The following PID1 variants were observed in gnomAD, a reference collection of about 807,000 sequenced individuals.
PID1 encodes the protein PTB-containing, cubilin and LRP1-interacting protein.
Under a neutral mutation model 19.1 loss-of-function variants are expected in PID1, and 10 were observed. That is an observed-to-expected ratio of 0.52 (90% CI 0.32 to 0.89). PID1 has a LOEUF of 0.89. PID1 is among the 40% of genes least tolerant of loss of function. The probability of loss-of-function intolerance (pLI) is 0.03; values close to 1 mark genes in which losing one functional copy is unlikely to be tolerated. For missense variants in PID1, 248 were observed against 285.3 expected, an observed-to-expected ratio of 0.87 and a Z score of 0.94; for synonymous variants, 130 against 116.0, an observed-to-expected ratio of 1.12 and a Z score of -0.78.
intron 2 of PID1, among the ~76,000 whole-genome samples, chr2:229,134,745 A>T (rs1458264694): frequency 6.6e-6 from 1 of 152,180 alleles, no homozygotes; most frequent in Non-Finnish European, 1.5e-5. Context: ...ATTTATTAAA[A>T]TCTTAGAGTC....
chr2:229,029,558 A>T (rs1693501109), intron 2 of PID1, among the ~76,000 whole-genome samples: 2 of 152,098 alleles, frequency 1.3e-5, no homozygotes, highest in African/African-American at 4.8e-5. Context: ...AATTCAAAGT[A>T]GAGGCCGGGC....
At chr2:229,116,330 T>C (rs1221108364) in intron 2 of PID1, among the ~76,000 whole-genome samples, 1 of 152,202 alleles carries the variant, frequency 6.6e-6, no homozygotes, top group Non-Finnish European at 1.5e-5. Flanking sequence ...CTTTATGCTT[T>C]AGTGTTTCAT....
At chr2:229,267,584 A>G (rs2106296773) in intron 1 of PID1, among the ~76,000 whole-genome samples, 1 of 152,314 alleles carries the variant, frequency 6.6e-6, no homozygotes, top group Admixed American at 6.5e-5. Flanking sequence ...TTCGTTTCTA[A>G]GTCAGTCTTG....
intron 2 of PID1, among the ~76,000 whole-genome samples, chr2:229,080,985 T>C (rs920114629): frequency 6.6e-6 from 1 of 152,234 alleles, no homozygotes; most frequent in African/African-American, 2.4e-5. Flanking sequence ...ACCCTTGTTA[T>C]TGCTGGATGC....
chr2:229,135,218 C>T (rs562111562), intron 2 of PID1, among the ~76,000 whole-genome samples: 1 of 152,232 alleles, frequency 6.6e-6, no homozygotes, highest in South Asian at 2.1e-4. Context: ...GCATCGTTCA[C>T]GTGGTTTGTT....
chr2:229,222,275 G>A (rs375355298), intron 1 of PID1, among the ~76,000 whole-genome samples: 36 of 152,146 alleles, frequency 2.4e-4, no homozygotes, highest in Non-Finnish European at 3.7e-4. Flanking sequence ...ATGTGTTCGC[G>A]GGTCTACATG....
intron 2 of PID1, among the ~76,000 whole-genome samples, chr2:229,082,731 C>A (rs1446496883): frequency 6.6e-6 from 1 of 152,152 alleles, no homozygotes; most frequent in Non-Finnish European, 1.5e-5. Context: ...TGCCAAAGAT[C>A]TGAATGATTT....
At chr2:229,231,399 T>G (rs1692202440) in intron 1 of PID1, among the ~76,000 whole-genome samples, 1 of 152,010 alleles carries the variant, frequency 6.6e-6, no homozygotes, top group Non-Finnish European at 1.5e-5. Flanking sequence ...TTGAAGCAGA[T>G]CCCTTTGCAC....
intron 2 of PID1, among the ~76,000 whole-genome samples, chr2:229,107,861 G>T (rs1360437348): frequency 6.6e-6 from 1 of 152,200 alleles, no homozygotes; most frequent in East Asian, 1.9e-4. Flanking sequence ...TCCAGAATCT[G>T]CATTTTGACA....
intron 2 of PID1, among the ~76,000 whole-genome samples, chr2:229,055,474 G>GA (rs2106187787): frequency 1.3e-5 from 2 of 152,254 alleles, no homozygotes; most frequent in South Asian, 4.2e-4. Flanking sequence ...ATACTGTCAG[G>GA]AAAAAGATAA....
At chr2:229,262,768 T>G (rs1690492318) in intron 1 of PID1, 1 of 1,551,442 alleles carries the variant, frequency 6.4e-7, no homozygotes, top group Non-Finnish European at 8.7e-7. Context: ...TGTCCTCGAC[T>G]CTTCTAACAT....
intron 2 of PID1, among the ~76,000 whole-genome samples, chr2:229,093,651 T>C (rs1382705676): frequency 1.3e-5 from 2 of 152,152 alleles, no homozygotes; most frequent in Non-Finnish European, 1.5e-5. Context: ...CATATACAAG[T>C]CGATAAATGT....
intron 2 of PID1, among the ~76,000 whole-genome samples, chr2:229,026,754 G>A (rs1693433161): frequency 6.6e-6 from 1 of 152,168 alleles, no homozygotes; most frequent in Non-Finnish European, 1.5e-5. Context: ...AGCATCTGTT[G>A]ATCTGATAAT....
intron 2 of PID1, among the ~76,000 whole-genome samples, chr2:229,086,464 T>A (rs1301389272): frequency 6.6e-6 from 1 of 152,196 alleles, no homozygotes; most frequent in Non-Finnish European, 1.5e-5. Context: ...CAGTTTCTAC[T>A]GAAGCCATAT....
chr2:229,112,443 C>T (rs1424878329), intron 2 of PID1, among the ~76,000 whole-genome samples: 2 of 152,088 alleles, frequency 1.3e-5, no homozygotes, highest in Non-Finnish European at 2.9e-5. Flanking sequence ...TAGAAATGCA[C>T]CTCCTAAACA....
intron 1 of PID1, among the ~76,000 whole-genome samples, chr2:229,237,395 A>G (rs1460823688): frequency 6.6e-6 from 1 of 152,224 alleles, no homozygotes; most frequent in Non-Finnish European, 1.5e-5. Flanking sequence ...TCAGTCATTC[A>G]AGCGTATCCC....
At chr2:229,266,150 GA>G (rs57366561) in intron 1 of PID1, among the ~76,000 whole-genome samples, 145 of 152,260 alleles carry the variant, frequency 9.5e-4, no homozygotes, top group Non-Finnish European at 1.6e-3. Flanking sequence ...TACAATTGAT[GA>G]AAACAACAAC....
intron 2 of PID1, among the ~76,000 whole-genome samples, chr2:229,075,886 A>C (rs1694547488): frequency 1.3e-5 from 2 of 152,066 alleles, no homozygotes; most frequent in African/African-American, 4.8e-5. Context: ...TTTGTTTTTA[A>C]ATCAGAATCT....
At position 229,184,219 on chromosome 2, in the gene PID1, A is replaced by ATG. The variant is rs1559274017; in HGVS notation, c.31-28256_31-28255insCA. On this transcript the variant is annotated intron_variant, in intron 1 of 2. Transcript: ENST00000392055. Reference sequence around the variant, plus strand: ...TATGTATATCCCATATATATATCCCATATATATATCCCATGTATATATATC... The same window carrying ATG: ...TATGTATATCCCATATATATATCCCATGTATATATATCCCATGTATATATATC... Among the ~76,000 whole-genome samples, 4 of 15,286 alleles carry ATG rather than the reference A, an allele frequency of 2.6e-4. 2 individuals carry two copies. In the African/African-American group the frequency reaches 2.6e-3, roughly 10 times the overall value. 10.0% of individuals were successfully genotyped at this position (15,286 alleles called of 152,430 possible). A position where few individuals can be genotyped will look rare whatever the true frequency, so the allele number is the denominator to read the frequency against.
Sources: allele counts gnomAD v4.1 joint callset (sites outside exome capture counted in the v4.1 genomes callset), GRCh38; gene constraint gnomAD v4.1.1; transcripts MANE v1.5; gene names NCBI Gene and HGNC (gene_info 2026-07-23, HGNC 2026-07-21).